The following TMEM170A variants were observed in gnomAD, a reference collection of about 807,000 sequenced individuals.
TMEM170A encodes transmembrane protein 170.
A neutral mutation model predicts 12.8 loss-of-function variants in TMEM170A; 18 were observed. That is an observed-to-expected ratio of 1.41 (90% CI 0.97 to 2.09). The LOEUF (loss-of-function observed/expected upper bound fraction) is 2.09. Among genes scored for constraint, TMEM170A ranks in the 30% most tolerant of loss-of-function variants. The pLI, the probability that TMEM170A is intolerant of heterozygous loss-of-function variation, is 0.00. For synonymous variants in TMEM170A, 107 were observed against 76.2 expected, an observed-to-expected ratio of 1.40 and a Z score of -2.11; for missense variants, 220 against 179.9, an observed-to-expected ratio of 1.22 and a Z score of -1.28.
At chr16:75,451,867 G>C (rs780803501) in intron 1 of TMEM170A, 28 bp from the exon 2 acceptor site, 1 of 1,580,658 alleles carries the variant, frequency 6.3e-7, no homozygotes, top group Non-Finnish European at 8.6e-7. Context: ...GAAAAGTTGT[G>C]AATCACTGCC....
intron 1 of TMEM170A, chr16:75,458,398 CA>C (rs2079838187): frequency 6.6e-6 from 1 of 152,168 alleles, no homozygotes. Context: ...AAGGATCTTC[CA>C]AAAGGAGATT....
chr16:75,464,415 A>T lies in TMEM170A; in HGVS notation c.133+53T>A, dbSNP rs532726533. On this transcript the variant is annotated intron_variant, in intron 1 of 2. Coordinates refer to ENST00000561878, the MANE Select transcript of TMEM170A (RefSeq NM_145254.3). ...CGCCCAGACTCGGGGCGCCCACAGC[A>T]CGGCAGCGGCGACGGCGGGGCGCGC... The T allele has an allele frequency of 1.4e-6, 2 of 1,395,186 alleles. 1 individual carries two copies. Among genetic ancestry groups the T allele is most frequent in the South Asian group, 3.3e-5 (2 of 61,064 alleles). 86.4% of individuals were successfully genotyped at this position (1,395,186 alleles called of 1,614,324 possible).
At position 75,444,643 on chromosome 16, in the gene TMEM170A, C is replaced by G. The variant is rs1239131750; in HGVS notation, c.*2915G>C. On this transcript the variant is annotated 3_prime_UTR_variant, in exon 3 of 3. Coordinates refer to ENST00000561878, the MANE Select transcript of TMEM170A (RefSeq NM_145254.3). ...CATAAAAAAGAAAATCAAAGCTATT[C>G]CTTATGATTCAAATAGTCTTTCCCT... is the stretch of plus-strand genomic sequence containing the variant. 6.6e-6 allele frequency: 1 copy of G among 152,028 alleles called. No individual in the cohort carries two copies. Among genetic ancestry groups the G allele is most frequent in the African/African-American group, 2.4e-5 (1 of 41,406 alleles). 9.4% of individuals were successfully genotyped at this position (152,028 alleles called of 1,614,324 possible).
In TMEM170A at chr16:75,451,657, T is replaced by C. The variant is rs546667930; in HGVS notation, c.304+12A>G. 1.4e-5 allele frequency: 22 copies of C among 1,613,836 alleles called. No individual in the cohort carries two copies. In the African/African-American group the frequency reaches 1.9e-4, roughly 14 times the overall value. On this transcript the variant is annotated intron_variant, in intron 2 of 2. Transcript: ENST00000561878. ...TAAACATTTTTGACTGGTATTTTAA[T>C]GTCTAACATACTTGTCAAGATTCCA...
Position 75,443,556 on chromosome 16 carries a change from A to G in TMEM170A, c.*4002T>C, listed in dbSNP as rs2079534700. 1 of 152,204 alleles carries G rather than the reference A, an allele frequency of 6.6e-6. No individual in the cohort carries two copies. Among genetic ancestry groups the G allele is most frequent in the South Asian group, 2.1e-4 (1 of 4,826 alleles). 9.4% of individuals were successfully genotyped at this position (152,204 alleles called of 1,614,324 possible). A position where few individuals can be genotyped will look rare whatever the true frequency, so the allele number is the denominator to read the frequency against. On this transcript the variant is annotated 3_prime_UTR_variant, in exon 3 of 3. Transcript: ENST00000561878. ...GCATAATAGGAACTTAATTCAAACC[A>G]GAGCAACCAGAAAGGATACTGGAGG...
At chr16:75,464,215 T>C in intron 1 of TMEM170A, 2 of 1,505,568 alleles carry the variant, frequency 1.3e-6, no homozygotes, top group East Asian at 2.7e-5. Context: ...CCGAGCGCCC[T>C]CCAGCCCCGG....
At chr16:75,451,424 C>T (rs957439437) in intron 2 of TMEM170A, 30 of 597,134 alleles carry the variant, frequency 5.0e-5, no homozygotes, top group African/African-American at 4.5e-4. Flanking sequence ...TGGCACACCC[C>T]TGTAGTCCAA....
intron 1 of TMEM170A, 98 bp downstream of exon 1, chr16:75,464,370 A>C: frequency 1.5e-6 from 2 of 1,378,894 alleles, no homozygotes; most frequent in South Asian, 3.4e-5. Flanking sequence ...CGCCGCCAGC[A>C]GGCTGCGCAC....
chr16:75,451,479 G>A, intron 2 of TMEM170A, 190 bp downstream of exon 2: 1 of 629,778 alleles, frequency 1.6e-6, no homozygotes, highest in South Asian at 1.9e-5. Flanking sequence ...AGCCCAAGAG[G>A]TGGAGGCTGC....
At chr16:75,464,013 C>T (rs1233717102) in intron 1 of TMEM170A, among the ~76,000 whole-genome samples, 1 of 152,244 alleles carries the variant, frequency 6.6e-6, no homozygotes. Context: ...GGCCGGGCTG[C>T]AGCCCCGGGG....
intron 1 of TMEM170A, among the ~76,000 whole-genome samples, chr16:75,455,975 T>C (rs908368548): frequency 2.0e-5 from 3 of 151,216 alleles, no homozygotes. Context: ...ACTGTTAGTG[T>C]GTGTGTTTTT....
chr16:75,454,929 G>C (rs958586382), intron 1 of TMEM170A, among the ~76,000 whole-genome samples: 1 of 152,192 alleles, frequency 6.6e-6, no homozygotes, highest in Non-Finnish European at 1.5e-5. Flanking sequence ...GGTAGGCAAG[G>C]ACAGAGGTAA....
In TMEM170A at chr16:75,464,469, T is replaced by G. The variant is rs111320565; in HGVS notation, c.132A>C (p.Pro44=). The change falls in exon 1 of 3, where the codon CCA becomes CCC. Residue 44 remains proline (P), a splice_region_variant and synonymous_variant. Transcript: ENST00000561878. ...CPNSTSLCSF[P]EMWYGVFLWA... is the part of the protein sequence containing the mutation. Reference sequence around the variant, plus strand: ...GCGCAGGCGCGGGGCGGGCCGTACCTGGGAAGGAGCAGAGGGAAGTAGAGT... The same window carrying G: ...GCGCAGGCGCGGGGCGGGCCGTACCGGGGAAGGAGCAGAGGGAAGTAGAGT... 1 of 1,512,440 alleles carries G rather than the reference T, an allele frequency of 6.6e-7. No homozygotes were observed. The highest frequency in any genetic ancestry group is 1.2e-5 in the South Asian group (1 of 80,758). 93.7% of individuals were successfully genotyped at this position (1,512,440 alleles called of 1,614,324 possible).
rs1254634302 is a variant in TMEM170A at position 75,443,698 on chromosome 16, C to T, written c.*3860G>A. The T allele has an allele frequency of 3.3e-5, 5 of 151,976 alleles. No homozygotes were observed. Among genetic ancestry groups the T allele is most frequent in the Admixed American group, 3.3e-4 (5 of 15,246 alleles). The allele number at this position is 151,976 out of a possible 1,614,324, so 9.4% of individuals were successfully genotyped here. A position where few individuals can be genotyped will look rare whatever the true frequency, so the allele number is the denominator to read the frequency against. On this transcript the variant is annotated 3_prime_UTR_variant, in exon 3 of 3. Transcript: ENST00000561878. ...CATAAGAAGTAATATTTTGTGGTCA[C>T]AAAAAAAGCACAGATACCTCTTTTA...
chr16:75,450,940 T>A (rs934038059), intron 2 of TMEM170A, among the ~76,000 whole-genome samples: 6 of 151,968 alleles, frequency 3.9e-5, no homozygotes, highest in African/African-American at 1.5e-4. Context: ...GGGATTACAG[T>A]CATGAGCCAC....
rs191966254 is a variant in TMEM170A, at chr16:75,450,544, G to A, written c.304+1125C>T. ...AAGCAAAAGCCATAACAAACCAAAC[G>A]CCCCAAAAACAAGCCTGAAAATAAT... On this transcript the variant is annotated intron_variant, in intron 2 of 2. Transcript: ENST00000561878. Among the ~76,000 whole-genome samples, 640 of 151,994 alleles carry A rather than the reference G, an allele frequency of 4.2e-3. 5 individuals carry two copies. Among genetic ancestry groups the A allele is most frequent in the African/African-American group, 0.015 (610 of 41,462 alleles).
intron 2 of TMEM170A, among the ~76,000 whole-genome samples, chr16:75,448,548 A>G (rs897837559): frequency 6.6e-6 from 1 of 152,148 alleles, no homozygotes; most frequent in Non-Finnish European, 1.5e-5. Flanking sequence ...GGATCATCTG[A>G]GCTCAGGAGT....
rs2079529888 is a variant in TMEM170A, at chr16:75,443,112, T to A, written c.*4446A>T. 1.3e-5 allele frequency: 2 copies of A among 152,080 alleles called. No homozygotes were observed. Among genetic ancestry groups the A allele is most frequent in the Non-Finnish European group, 2.9e-5 (2 of 68,016 alleles). 9.4% of individuals were successfully genotyped at this position (152,080 alleles called of 1,614,324 possible). A position where few individuals can be genotyped will look rare whatever the true frequency, so the allele number is the denominator to read the frequency against. ...GAACAAGAATTTTATCATAAATTAG[T>A]AAGAAGTAGAACATAAAAAAAGTTA... On this transcript the variant is annotated 3_prime_UTR_variant, in exon 3 of 3. Coordinates refer to ENST00000561878, the MANE Select transcript of TMEM170A (RefSeq NM_145254.3).
intron 1 of TMEM170A, among the ~76,000 whole-genome samples, chr16:75,464,070 G>A (rs1249951729): frequency 1.3e-5 from 2 of 152,204 alleles, no homozygotes; most frequent in African/African-American, 4.8e-5. Context: ...GGGCCGCTCC[G>A]AGACCCCTCG....
Sources: allele counts gnomAD v4.1 joint callset (sites outside exome capture counted in the v4.1 genomes callset), GRCh38; gene constraint gnomAD v4.1.1; transcripts MANE v1.5; gene names NCBI Gene and HGNC (gene_info 2026-07-23, HGNC 2026-07-21).